CRYBG1: variants seen among roughly 807,000 people sequenced by gnomAD.
The protein encoded by CRYBG1 is beta/gamma crystallin domain-containing protein 1.
A neutral mutation model predicts 189.2 loss-of-function variants in CRYBG1; 139 were observed. That is an observed-to-expected ratio of 0.73 (90% confidence interval 0.64 to 0.85). CRYBG1 has a LOEUF of 0.85. Ranked by LOEUF, CRYBG1 falls within the 40% of genes least tolerant of loss-of-function variation. The pLI is 0.00. For synonymous variants in CRYBG1, 1,023 were observed against 1,017.1 expected (o/e 1.01, Z -0.11); for missense variants, 2,611 against 2,675.8 (o/e 0.98, Z 0.53).
intron 1 of CRYBG1, among the ~76,000 whole-genome samples, chr6:106,416,443 T>G (rs1200166861): frequency 6.6e-6 from 1 of 152,238 alleles, no homozygotes; most frequent in African/African-American, 2.4e-5. Context: ...TACTCTTCAG[T>G]CTTTCAGATT....
In CRYBG1 at chr6:106,553,702, G is replaced by T. The variant is rs142434552; in HGVS notation, c.5585+135G>T. On this transcript the variant is annotated intron_variant, in intron 16 of 21. Coordinates refer to ENST00000633556, the MANE Select transcript of CRYBG1 (RefSeq NM_001371242.2). The stretch of plus-strand genomic sequence containing the variant: ...CCATCTTAGTCCAATGGCGTGCTTC[G>T]TGATATCTGAGTACCAGACGCCAGA... 145 of 675,084 alleles carry T rather than the reference G, an allele frequency of 2.1e-4. 1 individual carries two copies. In the East Asian group the frequency reaches 4.0e-3, roughly 19 times the overall value. 41.8% of individuals were successfully genotyped at this position (675,084 alleles called of 1,614,324 possible).
At chr6:106,406,374 C>T (rs187735080) in intron 1 of CRYBG1, among the ~76,000 whole-genome samples, 74 of 152,146 alleles carry the variant, frequency 4.9e-4, no homozygotes, top group African/African-American at 1.6e-3. Flanking sequence ...AAGTATGGGC[C>T]TATGTGAAAA....
intron 1 of CRYBG1, among the ~76,000 whole-genome samples, chr6:106,396,916 G>C (rs1024219704): frequency 1.3e-5 from 2 of 152,210 alleles, no homozygotes; most frequent in Admixed American, 6.5e-5. Flanking sequence ...TCCTGACCTT[G>C]TGATCCACCC....
chr6:106,539,305 C>T, intron 8 of CRYBG1, 98 bp from the exon 9 acceptor site: 1 of 1,425,196 alleles, frequency 7.0e-7, no homozygotes, highest in Non-Finnish European at 9.6e-7. Context: ...CGTATCCTCT[C>T]CTGTTCTTTT....
chr6:106,463,296 C>T (rs558419974), intron 2 of CRYBG1, among the ~76,000 whole-genome samples: 3 of 151,610 alleles, frequency 2.0e-5, no homozygotes, highest in South Asian at 4.2e-4. Context: ...GTGGCCATCA[C>T]CACCAGCCTG....
At chr6:106,519,028 A>C in intron 3 of CRYBG1, 103 bp from the exon 4 acceptor site, 1 of 1,216,250 alleles carries the variant, frequency 8.2e-7, no homozygotes, top group Non-Finnish European at 1.1e-6. Flanking sequence ...AATGTTATAT[A>C]TCAGGGAGAT....
chr6:106,499,284 C>T (rs1475227534), intron 2 of CRYBG1, among the ~76,000 whole-genome samples: 7 of 148,892 alleles, frequency 4.7e-5, no homozygotes, highest in Non-Finnish European at 7.4e-5. Flanking sequence ...TCCCAAGTAG[C>T]TGGGATTACA....
intron 1 of CRYBG1, among the ~76,000 whole-genome samples, chr6:106,423,193 A>G (rs1771160358): frequency 1.3e-5 from 2 of 151,682 alleles, no homozygotes; most frequent in Non-Finnish European, 2.9e-5. Flanking sequence ...AGCAGGATTA[A>G]TATTACCTGC....
intron 13 of CRYBG1, among the ~76,000 whole-genome samples, chr6:106,549,935 T>C (rs570274742): frequency 8.5e-5 from 13 of 152,344 alleles, no homozygotes; most frequent in African/African-American, 2.9e-4. Flanking sequence ...GAACAGTAAA[T>C]GAAAGGGAAC....
At chr6:106,552,102 TG>T (rs1386199910) in intron 14 of CRYBG1, 81 bp from the exon 15 acceptor site, 9 of 1,443,850 alleles carry the variant, frequency 6.2e-6, no homozygotes, top group Non-Finnish European at 8.6e-6. Context: ...TAGCAGTAAT[TG>T]CTAATAATCT....
At chr6:106,420,116 A>G (rs1484484984) in intron 1 of CRYBG1, among the ~76,000 whole-genome samples, 1 of 152,240 alleles carries the variant, frequency 6.6e-6, no homozygotes, top group Non-Finnish European at 1.5e-5. Flanking sequence ...CAAGTATTGA[A>G]GTATAAACTG....
At position 106,520,780 on chromosome 6, in the gene CRYBG1, G is replaced by A. The variant is rs755591572; in HGVS notation, c.3572G>A (p.Arg1191His). Residue 1191 changes from arginine to histidine, a missense_variant, in exon 4 of 22, where the codon CGT (arginine) becomes CAT (histidine). By Grantham distance (29) the Arg-to-His change is conservative. Transcript: ENST00000633556. ...ACAAAATCCAAACTGAGACCCAAAC[G>A]TGCATCTGCTGAACAGAGCGTCCTC... ...LDTKSKLRPK[R>H]ASAEQSVLFK... 25 of 1,614,100 alleles carry A rather than the reference G, an allele frequency of 1.5e-5. No homozygotes were observed. The highest frequency in any genetic ancestry group is 4.5e-5 in the East Asian group (2 of 44,890).
rs751751227 is a variant in CRYBG1 at position 106,519,799 on chromosome 6, C to T, written c.2591C>T (p.Ser864Phe). 2 of 1,614,088 alleles carry T rather than the reference C, an allele frequency of 1.2e-6. No individual in the cohort carries two copies. The highest frequency in any genetic ancestry group is 1.3e-5 in the African/African-American group (1 of 74,930). ...CAGCATACATTTTCTGACTCACAGT[C>T]CCCTGCTGAGTCATCTCCTGGGCCT... ...KPQHTFSDSQ[S>F]PAESSPGPSL... Residue 864 changes from serine (S) to phenylalanine (F), a missense_variant, in exon 4 of 22, where the codon TCC becomes TTC. Coordinates refer to ENST00000633556, the MANE Select transcript of CRYBG1 (RefSeq NM_001371242.2).
chr6:106,386,006 A>G (rs1393101108), intron 1 of CRYBG1, among the ~76,000 whole-genome samples: 1 of 152,186 alleles, frequency 6.6e-6, no homozygotes, highest in Non-Finnish European at 1.5e-5. Context: ...ACAACAACAA[A>G]AAACCTCCAA....
intron 9 of CRYBG1, chr6:106,541,380 C>G: frequency 5.9e-6 from 4 of 676,584 alleles, no homozygotes; most frequent in Non-Finnish European, 1.1e-5. Flanking sequence ...AGCTTATAGA[C>G]TGCTTGTGCG....
chr6:106,514,391 G>A (rs1441442419), intron 3 of CRYBG1, among the ~76,000 whole-genome samples: 2 of 152,070 alleles, frequency 1.3e-5, no homozygotes, highest in Non-Finnish European at 2.9e-5. Context: ...TCTTGGATAA[G>A]TAAGCTTAAG....
At chr6:106,517,411 CATATATACACAT>C (rs1562099153) in intron 3 of CRYBG1, among the ~76,000 whole-genome samples, 2 of 128,352 alleles carry the variant, frequency 1.6e-5, no homozygotes, top group Non-Finnish European at 3.3e-5. Context: ...TACACACACA[CATATATACACAT>C]ATATATACAC....
At chr6:106,499,152 G>GTTTTTTT (rs1219197482) in intron 2 of CRYBG1, among the ~76,000 whole-genome samples, 1 of 59,632 alleles carries the variant, frequency 1.7e-5, no homozygotes, top group African/African-American at 1.0e-4. Flanking sequence ...TTGTTTGTTT[G>GTTTTTTT]TTTGTTTTTT....
Position 106,434,524 on chromosome 6 carries a change from T to G in CRYBG1, c.174-17170T>G, listed in dbSNP as rs185747692. Reference sequence around the variant, plus strand: ...AGTGCTTATTCCTCTTCAATGAAGGTTATAAAAGTGCAAAAAGAAGAAACT... The same window carrying G: ...AGTGCTTATTCCTCTTCAATGAAGGGTATAAAAGTGCAAAAAGAAGAAACT... On this transcript the variant is annotated intron_variant, in intron 1 of 21. Transcript: ENST00000633556. 2.0e-5 allele frequency among the ~76,000 whole-genome samples: 3 copies of G among 152,206 alleles called. No homozygotes were observed. The East Asian group carries it at 5.8e-4, about 29-fold the overall frequency.
Sources: allele counts gnomAD v4.1 joint callset (sites outside exome capture counted in the v4.1 genomes callset), GRCh38; gene constraint gnomAD v4.1.1; transcripts MANE v1.5; gene names NCBI Gene and HGNC (gene_info 2026-07-23, HGNC 2026-07-21).